AKAP12: variants seen among roughly 807,000 people sequenced by gnomAD.
The protein encoded by AKAP12 is A-kinase anchoring protein 12.
AKAP12 carries 32 observed loss-of-function variants against 79.9 expected under a neutral mutation model. The observed-to-expected ratio is 0.40, with a 90% CI of 0.30 to 0.54. The LOEUF (loss-of-function observed/expected upper bound fraction) is 0.54, where lower values mean the gene tolerates loss of function less well. AKAP12 is among the 20% of genes least tolerant of loss of function. The probability of loss-of-function intolerance (pLI) is 0.48; values close to 1 mark genes in which losing one functional copy is unlikely to be tolerated. For missense variants in AKAP12, 2,074 were observed against 2,177.0 expected (o/e 0.95, Z 0.94); for synonymous variants, 808 against 857.0 (o/e 0.94, Z 1.00).
At chr6:151,259,570 CT>C (rs1316492063) in intron 2 of AKAP12, among the ~76,000 whole-genome samples, 3 of 121,620 alleles carry the variant, frequency 2.5e-5, no homozygotes, top group South Asian at 2.5e-4. Context: ...CTTATTGGCC[CT>C]TTTTTTCCTT....
intron 2 of AKAP12, among the ~76,000 whole-genome samples, chr6:151,286,026 CCA>C: frequency 6.6e-6 from 1 of 152,188 alleles, no homozygotes; most frequent in South Asian, 2.1e-4. Context: ...TACAGGGGCA[CCA>C]CCATGCCTGG....
chr6:151,290,146 C>G (rs1010937050), intron 2 of AKAP12, among the ~76,000 whole-genome samples: 2 of 152,198 alleles, frequency 1.3e-5, no homozygotes, highest in African/African-American at 4.8e-5. Context: ...AAACATTATT[C>G]TGGCACCTAT....
chr6:151,277,229 G>A (rs1412695667), intron 2 of AKAP12, among the ~76,000 whole-genome samples: 1 of 152,194 alleles, frequency 6.6e-6, no homozygotes, highest in Admixed American at 6.5e-5. Context: ...TAATTAATGA[G>A]GTTGCAAGAT....
intron 3 of AKAP12, among the ~76,000 whole-genome samples, chr6:151,317,889 C>A (rs1777271663): frequency 6.6e-6 from 1 of 152,170 alleles, no homozygotes; most frequent in Non-Finnish European, 1.5e-5. Flanking sequence ...TCCTGCTTTC[C>A]AGATAACTGT....
At chr6:151,265,048 G>A (rs1797524181) in intron 2 of AKAP12, among the ~76,000 whole-genome samples, 1 of 151,976 alleles carries the variant, frequency 6.6e-6, no homozygotes, top group Admixed American at 6.6e-5. Flanking sequence ...CTACTCGAGA[G>A]GCTGAGACGG....
At chr6:151,241,761 C>T (rs1323582925) in intron 2 of AKAP12, among the ~76,000 whole-genome samples, 1 of 145,388 alleles carries the variant, frequency 6.9e-6, no homozygotes, top group African/African-American at 2.5e-5. Context: ...GTTAAATTTG[C>T]GGTATGTCAA....
chr6:151,306,516 C>A (rs368582062), intron 3 of AKAP12, among the ~76,000 whole-genome samples: 1 of 152,116 alleles, frequency 6.6e-6, no homozygotes, highest in East Asian at 1.9e-4. Context: ...ACCTTGAGCT[C>A]GTTGTTCCAT....
chr6:151,333,130 T>G (rs1263701468), intron 3 of AKAP12, among the ~76,000 whole-genome samples: 1 of 152,114 alleles, frequency 6.6e-6, no homozygotes, highest in Non-Finnish European at 1.5e-5. Context: ...AGATGAAAAT[T>G]CCATAGGAGT....
At chr6:151,324,210 T>TG in intron 3 of AKAP12, 1 of 985,434 alleles carries the variant, frequency 1.0e-6, no homozygotes, top group Non-Finnish European at 1.2e-6. Flanking sequence ...TGGCTGGGTC[T>TG]GGGAGTCAGC....
At chr6:151,247,686 G>C (rs989695644) in intron 2 of AKAP12, among the ~76,000 whole-genome samples, 1 of 152,182 alleles carries the variant, frequency 6.6e-6, no homozygotes, top group Non-Finnish European at 1.5e-5. Context: ...GAAATGTTGA[G>C]ATCAGGGATT....
chr6:151,275,558 C>T (rs916879953), intron 2 of AKAP12, among the ~76,000 whole-genome samples: 2 of 152,114 alleles, frequency 1.3e-5, no homozygotes, highest in Non-Finnish European at 1.5e-5. Context: ...TTCTCATGTT[C>T]GTATTTTGTT....
At chr6:151,241,006 A>T (rs1419804185) in intron 2 of AKAP12, among the ~76,000 whole-genome samples, 3 of 151,966 alleles carry the variant, frequency 2.0e-5, no homozygotes, top group African/African-American at 7.2e-5. Flanking sequence ...CGCCCTGCCC[A>T]CGGCGGCTGA....
chr6:151,309,624 G>A (rs1002192134), intron 3 of AKAP12, among the ~76,000 whole-genome samples: 3 of 152,104 alleles, frequency 2.0e-5, no homozygotes, highest in Admixed American at 6.6e-5. Context: ...AGAAGGAACC[G>A]CATATAAATA....
intron 3 of AKAP12, among the ~76,000 whole-genome samples, chr6:151,344,570 G>A (rs1778036167): frequency 6.6e-6 from 1 of 152,012 alleles, no homozygotes; most frequent in African/African-American, 2.4e-5. Flanking sequence ...GTCTCGCTCG[G>A]TCACCCAGGC....
chr6:151,342,677 A>C (rs1777982989), intron 3 of AKAP12, among the ~76,000 whole-genome samples: 1 of 152,162 alleles, frequency 6.6e-6, no homozygotes. Flanking sequence ...TTCTATATAC[A>C]TTTTATTATG....
intron 3 of AKAP12, among the ~76,000 whole-genome samples, chr6:151,346,744 C>T (rs1778111937): frequency 6.6e-6 from 1 of 152,066 alleles, no homozygotes; most frequent in African/African-American, 2.4e-5. Context: ...TTCCTGACAG[C>T]CTTTTACCCG....
At chr6:151,264,074 G>A (rs1196526241) in intron 2 of AKAP12, among the ~76,000 whole-genome samples, 1 of 152,032 alleles carries the variant, frequency 6.6e-6, no homozygotes, top group African/African-American at 2.4e-5. Context: ...GGTGGAGGGG[G>A]CACTGTTTCA....
intron 2 of AKAP12, among the ~76,000 whole-genome samples, chr6:151,245,654 C>T (rs1200558587): frequency 2.1e-5 from 1 of 47,250 alleles, no homozygotes; most frequent in African/African-American, 5.7e-5. Flanking sequence ...GAGACTCCGT[C>T]TCAAAAAAAA....
At chr6:151,336,014 C>A (rs572029090) in intron 3 of AKAP12, among the ~76,000 whole-genome samples, 14 of 152,270 alleles carry the variant, frequency 9.2e-5, no homozygotes, top group African/African-American at 3.4e-4. Flanking sequence ...TGAGAATATG[C>A]AGCATTTTAC....
Sources: allele counts gnomAD v4.1 joint callset (sites outside exome capture counted in the v4.1 genomes callset), GRCh38; gene constraint gnomAD v4.1.1; transcripts MANE v1.5; gene names NCBI Gene and HGNC (gene_info 2026-07-23, HGNC 2026-07-21).